Variants in FAAH2 observed in about 807,000 individuals in gnomAD.
The protein encoded by FAAH2 is fatty-acid amide hydrolase 2.
FAAH2 carries 60 observed loss-of-function variants against 36.9 expected under a neutral mutation model. The ratio of observed to expected loss-of-function variants is 1.63; its 90% CI spans 1.32 to 2.02. FAAH2 has a LOEUF of 2.02. FAAH2 is among the 30% of genes most tolerant of loss of function. The pLI is 0.00. For missense variants in FAAH2, 689 were observed against 397.5 expected, an observed-to-expected ratio of 1.73 and a Z score of -6.23; for synonymous variants, 214 against 143.8, an observed-to-expected ratio of 1.49 and a Z score of -3.49.
the FAAH2 span, among the ~76,000 whole-genome samples, chrX:57,219,863 CTTTTTTT>C: frequency 2.5e-4 from 9 of 35,635 alleles, no homozygotes; most frequent in East Asian, 1.9e-3. Flanking sequence ...AGCGCCTTGT[CTTTTTTT>C]TTTTTTTTTT....
intron 7 of FAAH2, chrX:57,394,313 G>C: frequency 9.7e-7 from 1 of 1,033,943 alleles, no homozygotes; most frequent in Non-Finnish European, 1.4e-6. Flanking sequence ...GGGTGTTGGA[G>C]TTATTCCAGT....
rs149066074 is a variant in FAAH2, at chrX:57,459,820, C to G, written c.1423+11102C>G. ...ACATCAACATCAGCATAAAGAAACC[C>G]TTACAAAACCCCATCCAAAGGTCAC... On this transcript the variant is annotated intron_variant, in intron 10 of 10. Transcript: ENST00000374900. Among the ~76,000 whole-genome samples, 69 of 111,511 alleles carry G rather than the reference C, an allele frequency of 6.2e-4. 1 individual carries two copies. Among genetic ancestry groups the G allele is most frequent in the African/African-American group, 2.0e-3 (61 of 30,756 alleles).
At chrX:57,422,583 C>T (rs948823066) in intron 7 of FAAH2, among the ~76,000 whole-genome samples, 3 of 111,737 alleles carry the variant, frequency 2.7e-5, no homozygotes, top group Admixed American at 9.5e-5. Context: ...GTCAGCTAAA[C>T]CTATGATCTG....
chrX:57,477,471 G>A (rs886687022), intron 10 of FAAH2, among the ~76,000 whole-genome samples: 5 of 110,359 alleles, frequency 4.5e-5, no homozygotes, highest in African/African-American at 1.6e-4. Context: ...TTTGTTTATT[G>A]CTATGTTCTA....
the FAAH2 span, among the ~76,000 whole-genome samples, chrX:57,246,240 A>C: frequency 1.8e-5 from 2 of 112,053 alleles, no homozygotes; most frequent in Non-Finnish European, 3.8e-5. Flanking sequence ...TTAATAGCCT[A>C]ACAACCAAAA....
chrX:57,186,848 GT>G, the FAAH2 span, among the ~76,000 whole-genome samples: 1 of 111,858 alleles, frequency 8.9e-6, no homozygotes, highest in East Asian at 2.8e-4. Context: ...GTTTTTGTCA[GT>G]TTTGTCAACG....
chrX:57,429,829 A>T (rs745800143), intron 7 of FAAH2, among the ~76,000 whole-genome samples: 1 of 111,734 alleles, frequency 8.9e-6, no homozygotes, highest in Non-Finnish European at 1.9e-5. Flanking sequence ...TATATATACA[A>T]TGGATTGTAT....
chrX:57,296,667 G>A (rs1201962895), intron 2 of FAAH2, among the ~76,000 whole-genome samples: 3 of 111,475 alleles, frequency 2.7e-5, no homozygotes, highest in Non-Finnish European at 3.8e-5. Context: ...GCTAAAGGAG[G>A]AAGTTTGAAC....
chrX:57,149,543 A>G, the FAAH2 span, among the ~76,000 whole-genome samples: 1 of 111,615 alleles, frequency 9.0e-6, no homozygotes, highest in Non-Finnish European at 1.9e-5. Context: ...GTTTATTTGC[A>G]TAGAGGTGTT....
chrX:57,352,024 ATATATATATATACATATATATATGTG>A (rs2054012454), intron 5 of FAAH2, among the ~76,000 whole-genome samples: 1 of 12,528 alleles, frequency 8.0e-5, no homozygotes, highest in Non-Finnish European at 4.6e-4. Context: ...GTGTGTGTAT[ATATATATATATACATATATATATGTG>A]TATATATATA....
chrX:57,446,483 T>C (rs2056677047), intron 8 of FAAH2, among the ~76,000 whole-genome samples: 1 of 111,896 alleles, frequency 8.9e-6, no homozygotes, highest in Non-Finnish European at 1.9e-5. Flanking sequence ...TAATGGATTT[T>C]AGTACATTTA....
the FAAH2 span, among the ~76,000 whole-genome samples, chrX:57,171,081 A>G: frequency 9.0e-6 from 1 of 111,351 alleles, no homozygotes; most frequent in African/African-American, 3.3e-5. Context: ...AGTTGTGGCA[A>G]AATATATTAT....
At chrX:57,277,324 C>T in the FAAH2 span, among the ~76,000 whole-genome samples, 1 of 111,890 alleles carries the variant, frequency 8.9e-6, no homozygotes, top group Non-Finnish European at 1.9e-5. Context: ...ATGAGAAAAA[C>T]CACATGATTA....
chrX:57,142,837 C>A, the FAAH2 span, among the ~76,000 whole-genome samples: 12 of 111,492 alleles, frequency 1.1e-4, no homozygotes, highest in East Asian at 2.8e-3. Context: ...GCTGTATTGA[C>A]CCCTTTATCA....
chrX:57,484,618 C>A (rs1327710861), intron 10 of FAAH2, among the ~76,000 whole-genome samples: 1 of 111,614 alleles, frequency 9.0e-6, no homozygotes, highest in African/African-American at 3.3e-5. Context: ...TCACTCAACC[C>A]AAATACAGAC....
chrX:57,246,007 G>T, the FAAH2 span, among the ~76,000 whole-genome samples: 15 of 109,992 alleles, frequency 1.4e-4, no homozygotes, highest in African/African-American at 5.0e-4. Flanking sequence ...AGAGAAAGAA[G>T]AATCAAATAG....
intron 3 of FAAH2, among the ~76,000 whole-genome samples, chrX:57,321,591 T>G (rs960286183): frequency 3.6e-5 from 4 of 110,508 alleles, no homozygotes; most frequent in Non-Finnish European, 7.6e-5. Flanking sequence ...CTGGTTTCCA[T>G]TTGCTTGGTA....
chrX:57,409,462 C>A (rs934895416), intron 7 of FAAH2, among the ~76,000 whole-genome samples: 1 of 111,033 alleles, frequency 9.0e-6, no homozygotes, highest in Admixed American at 9.6e-5. Context: ...GTTTGAAGAT[C>A]GTCATTAATT....
chrX:57,386,063 G>A (rs1353533802), intron 7 of FAAH2, among the ~76,000 whole-genome samples: 1 of 111,485 alleles, frequency 9.0e-6, no homozygotes, highest in African/African-American at 3.3e-5. Flanking sequence ...TGCTTAATGA[G>A]GATAAAAGAA....
Sources: allele counts gnomAD v4.1 joint callset (sites outside exome capture counted in the v4.1 genomes callset), GRCh38; gene constraint gnomAD v4.1.1; transcripts MANE v1.5; gene names NCBI Gene and HGNC (gene_info 2026-07-23, HGNC 2026-07-21).